OR52N4: variants seen among roughly 807,000 people sequenced by gnomAD.
OR52N4 encodes olfactory receptor 52N4.
OR52N4 carries 15 observed loss-of-function variants against 15.0 expected under a neutral mutation model. The observed-to-expected ratio is 1.00, with a 90% CI of 0.67 to 1.54. The LOEUF is 1.54. Among genes scored for constraint, OR52N4 ranks in the 40% most tolerant of loss-of-function variants. The pLI is 0.00. For synonymous variants in OR52N4, 143 were observed against 143.7 expected, an observed-to-expected ratio of 1.00 and a Z score of 0.03; for missense variants, 421 against 394.0, an observed-to-expected ratio of 1.07 and a Z score of -0.58.
chr11:5,737,279 A>T, the OR52N4 span: 8 of 1,613,992 alleles, frequency 5.0e-6, no homozygotes, highest in Non-Finnish European at 6.8e-6. Context: ...TTCACATCTC[A>T]CCCTCATCCT....
the OR52N4 span, chr11:5,737,032 A>C: frequency 1.9e-6 from 3 of 1,614,164 alleles, no homozygotes; most frequent in Non-Finnish European, 2.5e-6. Flanking sequence ...CTGTGCTTGC[A>C]GCACAGCGTG....
At chr11:5,741,837 G>A in the OR52N4 span, among the ~76,000 whole-genome samples, 2 of 152,142 alleles carry the variant, frequency 1.3e-5, no homozygotes, top group South Asian at 4.1e-4. Context: ...GGCTTCACCT[G>A]TAGGGAGTTA....
At position 5,755,665 on chromosome 11, in the gene OR52N4, A is replaced by G. The variant is rs1854302456; in HGVS notation, c.925A>G (p.Ile309Val). ...TKQIRDCVIRILSGSKDTKSY... is the reference protein window; with the variant it reads ...TKQIRDCVIRVLSGSKDTKSY... The stretch of plus-strand genomic sequence containing the variant: ...ACAGATACGAGACTGTGTCATAAGG[A>G]TCCTTTCAGGTTCTAAGGATACCAA... Residue 309 changes from isoleucine (I) to valine (V), a missense_variant, in exon 2 of 2, where the codon ATC becomes GTC. Transcript: ENST00000641350. The G allele has an allele frequency of 6.2e-7, 1 of 1,613,710 alleles. No homozygotes were observed. Among genetic ancestry groups the G allele is most frequent in the East Asian group, 2.2e-5 (1 of 44,840 alleles).
chr11:5,741,080 G>C, the OR52N4 span, among the ~76,000 whole-genome samples: 1 of 65,334 alleles, frequency 1.5e-5, no homozygotes, highest in Non-Finnish European at 3.6e-5. Context: ...AGTTTATGCA[G>C]GAAGATAATA....
At chr11:5,729,255 G>C in the OR52N4 span, among the ~76,000 whole-genome samples, 1 of 150,886 alleles carries the variant, frequency 6.6e-6, no homozygotes, top group Admixed American at 6.6e-5. Context: ...GAGTAGCTAG[G>C]ACTACAGGCA....
the OR52N4 span, among the ~76,000 whole-genome samples, chr11:5,741,190 C>T: frequency 6.6e-6 from 1 of 152,132 alleles, no homozygotes; most frequent in Non-Finnish European, 1.5e-5. Flanking sequence ...GGTTAAGTTC[C>T]AGTATGATTA....
chr11:5,733,122 T>C, the OR52N4 span, among the ~76,000 whole-genome samples: 2 of 152,220 alleles, frequency 1.3e-5, no homozygotes, highest in African/African-American at 4.8e-5. Context: ...ATTCTTGCCA[T>C]GTACAATCTG....
At chr11:5,747,108 T>C in the OR52N4 span, among the ~76,000 whole-genome samples, 43,465 of 116,858 alleles carry the variant, frequency 0.37, 8,132 homozygotes, top group East Asian at 0.52. Flanking sequence ...AAAAAAAATA[T>C]GGGGTATGGT....
At chr11:5,748,226 A>C in the OR52N4 span, among the ~76,000 whole-genome samples, 26 of 152,076 alleles carry the variant, frequency 1.7e-4, no homozygotes, top group African/African-American at 6.0e-4. Flanking sequence ...AATGCATAGC[A>C]ATACATATAT....
the OR52N4 span, chr11:5,737,795 A>C: frequency 4.1e-6 from 1 of 246,286 alleles, no homozygotes; most frequent in Non-Finnish European, 7.9e-6. Context: ...ACACCCACAA[A>C]TACACACACA....
At chr11:5,730,752 A>C in the OR52N4 span, among the ~76,000 whole-genome samples, 1 of 151,118 alleles carries the variant, frequency 6.6e-6, no homozygotes, top group Non-Finnish European at 1.5e-5. Context: ...TGAAAGGAAG[A>C]GCTGAAAATC....
chr11:5,736,263 T>C, the OR52N4 span: 44,705 of 466,774 alleles, frequency 0.096, 2,310 homozygotes, highest in East Asian at 0.13. Flanking sequence ...CAACTTGAAA[T>C]GATGTAGCTA....
the OR52N4 span, chr11:5,734,103 G>A: frequency 4.4e-6 from 2 of 452,246 alleles, no homozygotes; most frequent in Admixed American, 2.4e-5. Context: ...TATAATTTCT[G>A]TGCCACATCT....
At chr11:5,728,156 T>C in the OR52N4 span, among the ~76,000 whole-genome samples, 1 of 152,194 alleles carries the variant, frequency 6.6e-6, no homozygotes, top group East Asian at 1.9e-4. Flanking sequence ...AACCTAAGTC[T>C]GAATGACCTT....
the OR52N4 span, among the ~76,000 whole-genome samples, chr11:5,730,007 G>C: frequency 6.6e-6 from 1 of 151,818 alleles, no homozygotes; most frequent in African/African-American, 2.4e-5. Context: ...TGGCACATTT[G>C]CCCCATAGAA....
At chr11:5,736,924 T>C in the OR52N4 span, 1 of 1,614,062 alleles carries the variant, frequency 6.2e-7, no homozygotes, top group South Asian at 1.1e-5. Flanking sequence ...TGGCTATTTG[T>C]CACCCTCTTC....
the OR52N4 span, among the ~76,000 whole-genome samples, chr11:5,744,122 A>G: frequency 6.6e-6 from 1 of 152,324 alleles, no homozygotes; most frequent in South Asian, 2.1e-4. Flanking sequence ...GCAAGCCTAA[A>G]AAAGACGGAT....
At chr11:5,744,331 G>A in the OR52N4 span, among the ~76,000 whole-genome samples, 13 of 152,304 alleles carry the variant, frequency 8.5e-5, no homozygotes, top group African/African-American at 2.9e-4. Flanking sequence ...AATTGAAGAG[G>A]AGGGAATCCT....
the OR52N4 span, among the ~76,000 whole-genome samples, chr11:5,728,427 G>T: frequency 3.3e-5 from 5 of 152,204 alleles, no homozygotes; most frequent in African/African-American, 1.2e-4. Context: ...ATGAAACTAA[G>T]ATTGGAAACC....
Sources: gnomAD v4.1 joint callset for allele counts (sites outside exome capture counted in the v4.1 genomes callset) on GRCh38, gnomAD v4.1.1 for gene constraint, MANE v1.5 for transcripts, NCBI Gene and HGNC (gene_info 2026-07-23, HGNC 2026-07-21) for gene names.